CLMP: variants seen among roughly 807,000 people sequenced by gnomAD.
CLMP encodes CXADR-like membrane protein.
A neutral mutation model predicts 45.2 loss-of-function variants in CLMP; 27 were observed. The ratio of observed to expected loss-of-function variants is 0.60; its 90% CI spans 0.44 to 0.82. CLMP has a LOEUF of 0.82. Among genes scored for constraint, CLMP ranks in the 40% least tolerant of loss-of-function variants. The pLI, the probability that CLMP is intolerant of heterozygous loss-of-function variation, is 0.00. For synonymous variants in CLMP, 167 were observed against 171.4 expected (o/e 0.97, Z 0.20); for missense variants, 403 against 448.4 (o/e 0.90, Z 0.91).
intron 1 of CLMP, among the ~76,000 whole-genome samples, chr11:123,188,589 T>A (rs1042757385): frequency 2.0e-5 from 3 of 152,192 alleles, no homozygotes; most frequent in African/African-American, 7.2e-5. Context: ...CTGAAGATAG[T>A]TGCCCATTTT....
Position 123,073,424 on chromosome 11 carries a change from T to C in CLMP, c.*50A>G, listed in dbSNP as rs373796108. 6 of 1,547,752 alleles carry C rather than the reference T, an allele frequency of 3.9e-6. No individual in the cohort carries two copies. Among genetic ancestry groups the C allele is most frequent in the Non-Finnish European group, 5.2e-6 (6 of 1,147,064 alleles). ...ACTTGAGCTCCAATGACGAGAAGAG[T>C]CCAAAGACCCTGACTCCTAGGAAAG... is the stretch of plus-strand genomic sequence containing the variant. On this transcript the variant is annotated 3_prime_UTR_variant, in exon 7 of 7. Transcript: ENST00000448775.
intron 1 of CLMP, among the ~76,000 whole-genome samples, chr11:123,130,373 A>G (rs1860967876): frequency 6.6e-6 from 1 of 152,128 alleles, no homozygotes; most frequent in African/African-American, 2.4e-5. Flanking sequence ...CCCCAGGACC[A>G]TCAAGGCTTT....
intron 1 of CLMP, among the ~76,000 whole-genome samples, chr11:123,192,056 T>G (rs530439194): frequency 2.0e-5 from 3 of 152,272 alleles, no homozygotes; most frequent in African/African-American, 7.2e-5. Context: ...TGAACATGAT[T>G]TTGATCTGCA....
At chr11:123,164,975 G>A (rs376854166) in intron 1 of CLMP, among the ~76,000 whole-genome samples, 12 of 152,138 alleles carry the variant, frequency 7.9e-5, no homozygotes, top group Admixed American at 2.0e-4. Flanking sequence ...AAAGGATGTC[G>A]TAACAGAAGG....
intron 1 of CLMP, among the ~76,000 whole-genome samples, chr11:123,124,320 GT>G (rs1381102978): frequency 1.1e-4 from 17 of 152,046 alleles, no homozygotes; most frequent in Admixed American, 6.6e-4. Flanking sequence ...ACAGCTTACG[GT>G]TTTCCCAGTT....
Position 123,097,769 on chromosome 11 carries a change from G to A in CLMP, c.186+26C>T, listed in dbSNP as rs745608024. On this transcript the variant is annotated intron_variant, in intron 2 of 6. Transcript: ENST00000448775. Reference sequence around the variant, plus strand: ...AAATGCAGGAGGACAAGAAGGAGGAGGGACTCCAGCCAGGTGTCTACTTAC... The same window carrying A: ...AAATGCAGGAGGACAAGAAGGAGGAAGGACTCCAGCCAGGTGTCTACTTAC... 2.6e-6 allele frequency: 4 copies of A among 1,524,118 alleles called. No homozygotes were observed. The South Asian group carries it at 5.0e-5, about 19-fold the overall frequency. 94.4% of individuals were successfully genotyped at this position (1,524,118 alleles called of 1,614,324 possible). A position where few individuals can be genotyped will look rare whatever the true frequency, so the allele number is the denominator to read the frequency against.
chr11:123,123,869 G>A (rs898053669), intron 1 of CLMP, among the ~76,000 whole-genome samples: 1 of 152,116 alleles, frequency 6.6e-6, no homozygotes, highest in Non-Finnish European at 1.5e-5. Flanking sequence ...AGGAGATGGC[G>A]ACCCATAAAT....
At chr11:123,125,805 C>T (rs1180125560) in intron 1 of CLMP, among the ~76,000 whole-genome samples, 2 of 151,560 alleles carry the variant, frequency 1.3e-5, no homozygotes, top group Non-Finnish European at 2.9e-5. Context: ...GGGGTTTCAC[C>T]GTGTTGGCCA....
intron 5 of CLMP, among the ~76,000 whole-genome samples, chr11:123,077,710 C>G (rs1591448248): frequency 6.6e-6 from 1 of 152,172 alleles, no homozygotes; most frequent in East Asian, 1.9e-4. Context: ...TGAGTAATTT[C>G]AAATAGAGGA....
intron 2 of CLMP, among the ~76,000 whole-genome samples, chr11:123,086,123 G>T (rs1012918684): frequency 6.6e-6 from 1 of 151,546 alleles, no homozygotes; most frequent in Non-Finnish European, 1.5e-5. Context: ...TTCTGGCCAG[G>T]CTGGTCTCAA....
intron 2 of CLMP, among the ~76,000 whole-genome samples, chr11:123,090,425 A>C (rs1865917899): frequency 6.6e-6 from 1 of 152,082 alleles, no homozygotes; most frequent in South Asian, 2.1e-4. Flanking sequence ...TGTCTCAAAA[A>C]AAAAAAGAAA....
intron 1 of CLMP, among the ~76,000 whole-genome samples, chr11:123,105,150 C>T (rs762033786): frequency 1.3e-5 from 2 of 152,090 alleles, no homozygotes; most frequent in Admixed American, 6.6e-5. Flanking sequence ...TGTTTCCATC[C>T]GCAAAATGGG....
intron 1 of CLMP, among the ~76,000 whole-genome samples, chr11:123,150,491 G>GAA (rs879459420): frequency 1.2e-4 from 14 of 115,170 alleles, no homozygotes; most frequent in Non-Finnish European, 2.5e-4. Flanking sequence ...AAGGAAGGAA[G>GAA]GAAGGAAGGA....
chr11:123,076,590 C>T (rs1405296505), intron 5 of CLMP, among the ~76,000 whole-genome samples: 1 of 152,084 alleles, frequency 6.6e-6, no homozygotes, highest in African/African-American at 2.4e-5. Flanking sequence ...AAAGGACGAT[C>T]TTGTGATTAT....
intron 1 of CLMP, among the ~76,000 whole-genome samples, chr11:123,157,588 AG>A (rs1320738357): frequency 6.6e-6 from 1 of 151,950 alleles, no homozygotes; most frequent in African/African-American, 2.4e-5. Flanking sequence ...GCATGGTGGT[AG>A]TTGCCTATAA....
At chr11:123,096,528 T>TA (rs1433459064) in intron 2 of CLMP, among the ~76,000 whole-genome samples, 2 of 151,984 alleles carry the variant, frequency 1.3e-5, no homozygotes, top group Non-Finnish European at 1.5e-5. Context: ...TGTCCCAAAA[T>TA]AAAAAAATAA....
In CLMP at chr11:123,080,136, C is replaced by T. The variant is rs553340353; in HGVS notation, c.679+2949G>A. 2.0e-5 allele frequency among the ~76,000 whole-genome samples: 3 copies of T among 152,252 alleles called. No homozygotes were observed. In the East Asian group the frequency reaches 5.8e-4, roughly 29 times the overall value. On this transcript the variant is annotated intron_variant, in intron 5 of 6. Transcript: ENST00000448775. The stretch of plus-strand genomic sequence containing the variant: ...TATATAAGGCTCTTAAAGCAGCTGG[C>T]TTCCCATAAAGTGAGTGATCTAAGA...
intron 5 of CLMP, among the ~76,000 whole-genome samples, chr11:123,082,418 T>C (rs10750231): frequency 0.99 from 150,442 of 152,288 alleles, 74,309 homozygotes; most frequent in East Asian, 1. Flanking sequence ...AAGCAATTCT[T>C]CTGCCTCAGC....
At chr11:123,124,470 T>C (rs112885140) in intron 1 of CLMP, among the ~76,000 whole-genome samples, 17 of 152,190 alleles carry the variant, frequency 1.1e-4, no homozygotes, top group Admixed American at 7.9e-4. Flanking sequence ...AATCATTAGG[T>C]AGTTGGATGT....
Sources: allele counts gnomAD v4.1 joint callset (sites outside exome capture counted in the v4.1 genomes callset), GRCh38; gene constraint gnomAD v4.1.1; transcripts MANE v1.5; gene names NCBI Gene and HGNC (gene_info 2026-07-23, HGNC 2026-07-21).